DNAH11: variants seen among roughly 807,000 people sequenced by gnomAD.
The protein encoded by DNAH11 is axonemal beta dynein heavy chain 11.
DNAH11 carries 442 observed loss-of-function variants against 526.0 expected under a neutral mutation model. That is an observed-to-expected ratio of 0.84 (90% CI 0.78 to 0.91). DNAH11 has a LOEUF of 0.91. Ranked by LOEUF, DNAH11 falls within the 40% of genes least tolerant of loss-of-function variation. The probability of loss-of-function intolerance (pLI) is 0.00; values close to 1 mark genes in which losing one functional copy is unlikely to be tolerated. For missense variants in DNAH11, 6,989 were observed against 5,448.7 expected (o/e 1.28, Z -8.90); for synonymous variants, 2,461 against 1,935.9 (o/e 1.27, Z -7.12).
rs970459789 is a variant in DNAH11 at position 21,690,690 on chromosome 7, A to C, written c.5925-75A>C. ...AGCTTCCTAATAATTTGCATTTTGC[A>C]GTGGTTTGCATTTGTCAATGTGCAT... On this transcript the variant is annotated intron_variant, in intron 34 of 81. Coordinates refer to ENST00000409508, the MANE Select transcript of DNAH11 (RefSeq NM_001277115.2). 3.3e-5 allele frequency: 36 copies of C among 1,080,870 alleles called. No homozygotes were observed. In the African/African-American group the frequency reaches 5.5e-4, roughly 16 times the overall value. 67.0% of individuals were successfully genotyped at this position (1,080,870 alleles called of 1,614,324 possible). A position where few individuals can be genotyped will look rare whatever the true frequency, so the allele number is the denominator to read the frequency against.
chr7:21,679,406 T>A (rs1247446420), intron 30 of DNAH11, among the ~76,000 whole-genome samples: 4 of 152,196 alleles, frequency 2.6e-5, no homozygotes, highest in Non-Finnish European at 5.9e-5. Context: ...TTAAAAGATG[T>A]GTGAGCTGAT....
chr7:21,813,101 A>ACAGGGG (rs1344238212), intron 63 of DNAH11, among the ~76,000 whole-genome samples: 5 of 152,188 alleles, frequency 3.3e-5, no homozygotes, highest in African/African-American at 1.2e-4. Flanking sequence ...GCTGAAAAGG[A>ACAGGGG]CAGGGGCTGT....
chr7:21,558,552 G>A (rs1783313368), intron 2 of DNAH11, among the ~76,000 whole-genome samples: 1 of 152,138 alleles, frequency 6.6e-6, no homozygotes, highest in South Asian at 2.1e-4. Context: ...TTGAGTTATT[G>A]GGAACCTCCA....
At chr7:21,560,454 T>G (rs1783408371) in intron 4 of DNAH11, among the ~76,000 whole-genome samples, 1 of 152,028 alleles carries the variant, frequency 6.6e-6, no homozygotes, top group Non-Finnish European at 1.5e-5. Flanking sequence ...TCCCAAAACC[T>G]CAAAAGTAGT....
chr7:21,634,907 A>G (rs1438100008), intron 25 of DNAH11, among the ~76,000 whole-genome samples: 1 of 152,254 alleles, frequency 6.6e-6, no homozygotes, highest in Non-Finnish European at 1.5e-5. Context: ...GAAGCGTTTC[A>G]GACATACTAA....
In DNAH11 at chr7:21,637,653, G is replaced by C; in HGVS notation, c.4768G>C (p.Ala1590Pro). The C allele has an allele frequency of 6.3e-7, 1 of 1,588,532 alleles. No individual in the cohort carries two copies. Among genetic ancestry groups the C allele is most frequent in the Middle Eastern group, 1.7e-4 (1 of 6,030 alleles). The change falls in exon 27 of 82, where the codon GCA becomes CCA. Residue 1590 changes from alanine to proline, a missense_variant. By Grantham distance (27) the Ala-to-Pro change is conservative. Transcript: ENST00000409508. ...KTAKVENVLE[A>P]TCRPNLYEKL... ...AGCCAAAGTAGAAAATGTGTTAGAA[G>C]CAACGTGCAGACCTAATCTCTATGA...
At position 21,868,921 on chromosome 7, in the gene DNAH11, A is replaced by T. The variant is rs777783731; in HGVS notation, c.11897A>T (p.Gln3966Leu). The change falls in exon 73 of 82, where the codon CAA becomes CTA. Residue 3966 changes from glutamine to leucine, a missense_variant. Gln to Leu is a moderately radical substitution (Grantham distance 113). Coordinates refer to ENST00000409508, the MANE Select transcript of DNAH11 (RefSeq NM_001277115.2). The stretch of plus-strand genomic sequence containing the variant: ...AAATTCCACAATGTGTCTTTAGGAC[A>T]AGGTCAGGAGACGGTGGCAGAAGTG... ...SGKFHNVSLG[Q>L]GQETVAEVAL... The T allele has an allele frequency of 1.4e-5, 22 of 1,613,926 alleles. 1 individual carries two copies. The highest frequency in any genetic ancestry group is 3.3e-4 in the Middle Eastern group (2 of 6,084).
chr7:21,559,525 C>T, intron 3 of DNAH11, 78 bp from the exon 4 acceptor site: 2 of 1,196,734 alleles, frequency 1.7e-6, no homozygotes, highest in Non-Finnish European at 2.3e-6. Context: ...TTATGGATGC[C>T]TAAAATAACT....
intron 21 of DNAH11, 41 bp downstream of exon 21, chr7:21,615,313 T>C: frequency 6.3e-7 from 1 of 1,598,016 alleles, no homozygotes; most frequent in Non-Finnish European, 8.5e-7. Context: ...TATTTAGTAG[T>C]TCTTTTACAT....
At chr7:21,674,889 C>G (rs145538573) in intron 30 of DNAH11, among the ~76,000 whole-genome samples, 1 of 152,156 alleles carries the variant, frequency 6.6e-6, no homozygotes, top group African/African-American at 2.4e-5. Context: ...CAACATACTT[C>G]ACTAGTTGCT....
Position 21,854,149 on chromosome 7 carries a change from A to G in DNAH11, c.11062-166A>G, listed in dbSNP as rs1240856447. Among the ~76,000 whole-genome samples, 4 of 152,366 alleles carry G rather than the reference A, an allele frequency of 2.6e-5. No individual in the cohort carries two copies. In the East Asian group the frequency reaches 7.7e-4, roughly 29 times the overall value. The stretch of plus-strand genomic sequence containing the variant: ...AGTTTATTAAAAAAATTATTTTAAA[A>G]TATGAATGTAATCATTTTAGAAAAG... On this transcript the variant is annotated intron_variant, in intron 67 of 81. Transcript: ENST00000409508.
chr7:21,897,003 A>C (rs1225498481), intron 79 of DNAH11, among the ~76,000 whole-genome samples: 1 of 152,176 alleles, frequency 6.6e-6, no homozygotes, highest in Non-Finnish European at 1.5e-5. Flanking sequence ...TGAGCCCAAG[A>C]GGTCAAGGGT....
At chr7:21,854,239 G>A (rs1007925466) in intron 67 of DNAH11, 76 bp from the exon 68 acceptor site, 133 of 1,502,930 alleles carry the variant, frequency 8.8e-5, no homozygotes, top group East Asian at 2.8e-4. Context: ...TTTCAGGTAC[G>A]TCCTTCCATT....
At chr7:21,750,725 G>T (rs1177060150) in intron 54 of DNAH11, among the ~76,000 whole-genome samples, 1 of 152,148 alleles carries the variant, frequency 6.6e-6, no homozygotes, top group African/African-American at 2.4e-5. Flanking sequence ...ACTGGAGCTG[G>T]TCATCCTGGA....
Position 21,667,327 on chromosome 7 carries a change from G to A in DNAH11, c.5328+8296G>A, listed in dbSNP as rs191972925. Among the ~76,000 whole-genome samples, 46 of 152,228 alleles carry A rather than the reference G, an allele frequency of 3.0e-4. 1 individual carries two copies. Among genetic ancestry groups the A allele is most frequent in the African/African-American group, 9.9e-4 (41 of 41,566 alleles). On this transcript the variant is annotated intron_variant, in intron 30 of 81. Coordinates refer to ENST00000409508, the MANE Select transcript of DNAH11 (RefSeq NM_001277115.2). ...GCAGGAGTTGGCCTACTTTTTCTGG[G>A]AAGAATCAGGTAGTAATTATTTTGT... is the stretch of plus-strand genomic sequence containing the variant.
In DNAH11 at chr7:21,707,809, T is replaced by G. The variant is rs780024971; in HGVS notation, c.6657T>G (p.His2219Gln). 2.5e-6 allele frequency: 4 copies of G among 1,604,662 alleles called. No individual in the cohort carries two copies. Among genetic ancestry groups the G allele is most frequent in the Non-Finnish European group, 3.4e-6 (4 of 1,176,502 alleles). ...ATGAACTCTTTGGTTTCATACATCATGCTACCCGAGAATGGAAAGATGGCA... is the reference window on the plus strand; with the variant it reads ...ATGAACTCTTTGGTTTCATACATCAGGCTACCCGAGAATGGAAAGATGGCA... ...TTDELFGFIH[H>Q]ATREWKDGKI... The change falls in exon 40 of 82, where the codon CAT becomes CAG. Residue 2219 changes from histidine to glutamine, a missense_variant. By Grantham distance (24) the His-to-Gln change is conservative. Coordinates refer to ENST00000409508, the MANE Select transcript of DNAH11 (RefSeq NM_001277115.2).
At position 21,749,818 on chromosome 7, in the gene DNAH11, A is replaced by G. The variant is rs757740914; in HGVS notation, c.8797+17A>G. ...TGGCATCAGGTGATTAAACCAACAC[A>G]TTTCTTGAAAGATCTTCCCCAATGA... On this transcript the variant is annotated intron_variant, in intron 53 of 81. Transcript: ENST00000409508. 11 of 1,612,742 alleles carry G rather than the reference A, an allele frequency of 6.8e-6. No homozygotes were observed. Among genetic ancestry groups the G allele is most frequent in the Non-Finnish European group, 8.5e-6 (10 of 1,179,320 alleles).
intron 34 of DNAH11, among the ~76,000 whole-genome samples, chr7:21,687,969 A>G (rs1421638061): frequency 6.6e-6 from 1 of 152,130 alleles, no homozygotes; most frequent in African/African-American, 2.4e-5. Flanking sequence ...GGCTGAGGCA[A>G]GAGGATTGCT....
chr7:21,807,765 T>C (rs1323692349), intron 62 of DNAH11, 118 bp from the exon 63 acceptor site: 2 of 885,994 alleles, frequency 2.3e-6, no homozygotes, highest in Non-Finnish European at 3.3e-6. Context: ...TTACACTCTG[T>C]TCCTTATAGT....
Sources: allele counts gnomAD v4.1 joint callset (sites outside exome capture counted in the v4.1 genomes callset), GRCh38; gene constraint gnomAD v4.1.1; transcripts MANE v1.5; gene names NCBI Gene and HGNC (gene_info 2026-07-23, HGNC 2026-07-21).